The following TXNRD3 variants were observed in gnomAD, a reference collection of about 807,000 sequenced individuals.
TXNRD3 encodes the protein TXNRD3 neighbor gene protein.
TXNRD3 carries 68 observed loss-of-function variants against 78.2 expected under a neutral mutation model. The ratio of observed to expected loss-of-function variants is 0.87; its 90% confidence interval spans 0.72 to 1.06. The LOEUF is 1.06. TXNRD3 is among the 50% of genes least tolerant of loss of function. The pLI, the probability that TXNRD3 is intolerant of heterozygous loss-of-function variation, is 0.00. For missense variants in TXNRD3, 751 were observed against 809.5 expected (o/e 0.93, Z 0.88); for synonymous variants, 296 against 300.1 (o/e 0.99, Z 0.14).
intron 7 of TXNRD3, among the ~76,000 whole-genome samples, chr3:126,632,223 G>A (rs1424216988): frequency 6.6e-6 from 1 of 152,090 alleles, no homozygotes; most frequent in Non-Finnish European, 1.5e-5. Flanking sequence ...ATGAGCCCAG[G>A]AGGAGTTGGT....
chr3:126,623,852 C>CAAAAAAAA (rs4021853), intron 10 of TXNRD3, among the ~76,000 whole-genome samples: 32 of 112,040 alleles, frequency 2.9e-4, no homozygotes, highest in East Asian at 5.8e-4. Flanking sequence ...GAAACAAGGC[C>CAAAAAAAA]AAAAAAAAAA....
rs1391132459 is a variant in TXNRD3 at position 126,611,200 on chromosome 3, TAATTCTATA to T, written c.1633-77_1633-69del. 10 of 1,006,416 alleles carry T rather than the reference TAATTCTATA, an allele frequency of 9.9e-6. No individual in the cohort carries two copies. The African/African-American group carries it at 1.6e-4, about 17-fold the overall frequency. 62.3% of individuals were successfully genotyped at this position (1,006,416 alleles called of 1,614,324 possible). On this transcript the variant is annotated intron_variant, in intron 13 of 15. Transcript: ENST00000524230. The stretch of plus-strand genomic sequence containing the variant: ...GGAAACCATTCCTTGATAGGCTCTT[TAATTCTATA>T]AAGGCAATAATCTCCATAGCAGCTT...
At chr3:126,643,828 G>A (rs748865376) in intron 5 of TXNRD3, among the ~76,000 whole-genome samples, 153 bp downstream of exon 5, 6 of 152,092 alleles carry the variant, frequency 3.9e-5, no homozygotes, top group Non-Finnish European at 8.8e-5. Flanking sequence ...TTTCAGGCAT[G>A]AGCCTCTGGG....
rs747706576 is a variant in TXNRD3 at position 126,642,017 on chromosome 3, T to C, written c.712+15A>G. The C allele has an allele frequency of 4.0e-5, 61 of 1,524,336 alleles. No homozygotes were observed. The African/African-American group carries it at 5.4e-4, about 13-fold the overall frequency. The allele number at this position is 1,524,336 out of a possible 1,614,324, so 94.4% of individuals were successfully genotyped here. A position where few individuals can be genotyped will look rare whatever the true frequency, so the allele number is the denominator to read the frequency against. ...TTCTTTTCTCTCAATCTATACTTTA[T>C]GAACCATTACTCACCTTGTTGATTA... On this transcript the variant is annotated intron_variant, in intron 6 of 15. Coordinates refer to ENST00000524230, the MANE Select transcript of TXNRD3 (RefSeq NM_052883.3).
intron 1 of TXNRD3, among the ~76,000 whole-genome samples, chr3:126,647,921 A>G (rs918684527): frequency 6.6e-6 from 1 of 152,248 alleles, no homozygotes; most frequent in Non-Finnish European, 1.5e-5. Flanking sequence ...AAAATAAGTT[A>G]AATTATCTCT....
chr3:126,619,918 G>C (rs1319951747), intron 12 of TXNRD3, among the ~76,000 whole-genome samples: 1 of 152,190 alleles, frequency 6.6e-6, no homozygotes, highest in Non-Finnish European at 1.5e-5. Context: ...GGGGGACTGT[G>C]TCAGATTAAG....
At position 126,615,343 on chromosome 3, in the gene TXNRD3, A is replaced by G; in HGVS notation, c.1632+12T>C. On this transcript the variant is annotated intron_variant, in intron 13 of 15. Transcript: ENST00000524230. ...GAGAATTTTTTAAGGAAGTAATAAA[A>G]CACAATCTTACTTCTAGATTCTCTT... is the stretch of plus-strand genomic sequence containing the variant. The G allele has an allele frequency of 7.6e-7, 1 of 1,324,164 alleles. No homozygotes were observed. Among genetic ancestry groups the G allele is most frequent in the Non-Finnish European group, 1.0e-6 (1 of 993,320 alleles). 82.0% of individuals were successfully genotyped at this position (1,324,164 alleles called of 1,614,324 possible).
At position 126,615,418 on chromosome 3, in the gene TXNRD3, C is replaced by G. The variant is rs772176466; in HGVS notation, c.1569G>C (p.Glu523Asp). The G allele has an allele frequency of 1.8e-5, 28 of 1,521,244 alleles. No homozygotes were observed. The South Asian group carries it at 3.1e-4, about 17-fold the overall frequency. 94.2% of individuals were successfully genotyped at this position (1,521,244 alleles called of 1,614,324 possible). Residue 523 changes from glutamate (E) to aspartate (D), a missense_variant, in exon 13 of 16, where the codon GAG becomes GAC. Physicochemically the swap from Glu to Asp is conservative, Grantham distance 45. Coordinates refer to ENST00000524230, the MANE Select transcript of TXNRD3 (RefSeq NM_052883.3). Reference sequence around the variant, plus strand: ...CTTCAGATAATCCACAGCAACCATACTCCAGAGGAGTAAACACTGTAGTCG... The same window carrying G: ...CTTCAGATAATCCACAGCAACCATAGTCCAGAGGAGTAAACACTGTAGTCG...
rs150097097 is a variant in TXNRD3, at chr3:126,607,842, C to T, written c.*63G>A. On this transcript the variant is annotated 3_prime_UTR_variant, in exon 16 of 16. Transcript: ENST00000524230. ...GTCATGAGCACAGGCTCATTTTATC[C>T]GAGAGCATTCTTATCTTTGAGAGAA... 152 of 1,373,338 alleles carry T rather than the reference C, an allele frequency of 1.1e-4. No homozygotes were observed. The African/African-American group carries it at 1.4e-3, about 13-fold the overall frequency. The allele number at this position is 1,373,338 out of a possible 1,614,324, so 85.1% of individuals were successfully genotyped here. A position where few individuals can be genotyped will look rare whatever the true frequency, so the allele number is the denominator to read the frequency against.
intron 6 of TXNRD3, among the ~76,000 whole-genome samples, chr3:126,637,098 T>C (rs1307659060): frequency 6.6e-6 from 1 of 152,198 alleles, no homozygotes; most frequent in Non-Finnish European, 1.5e-5. Flanking sequence ...GTAACACTAA[T>C]GGTACCTTTT....
chr3:126,612,957 T>C (rs1350652191), intron 13 of TXNRD3, among the ~76,000 whole-genome samples: 2 of 152,358 alleles, frequency 1.3e-5, no homozygotes, highest in East Asian at 3.9e-4. Flanking sequence ...TCACATTCTG[T>C]TCTACTGATC....
chr3:126,608,786 A>C (rs570812277), intron 14 of TXNRD3, among the ~76,000 whole-genome samples, 153 bp from the exon 15 acceptor site: 3 of 152,346 alleles, frequency 2.0e-5, no homozygotes, highest in South Asian at 2.1e-4. Flanking sequence ...CCATGAAACT[A>C]AGCCACTGTA....
At chr3:126,621,707 T>A in intron 12 of TXNRD3, 35 bp downstream of exon 12, 2 of 1,439,834 alleles carry the variant, frequency 1.4e-6, no homozygotes, top group African/African-American at 1.4e-5. Flanking sequence ...ATGATCTTGA[T>A]CAGGACATTA....
chr3:126,615,609 G>C (rs1938300115), intron 12 of TXNRD3, 147 bp from the exon 13 acceptor site: 1 of 422,590 alleles, frequency 2.4e-6, no homozygotes, highest in African/African-American at 2.1e-5. Flanking sequence ...AAACTCTAAG[G>C]TACCTTAACA....
chr3:126,622,062 G>T (rs1241512397), intron 11 of TXNRD3, among the ~76,000 whole-genome samples, 164 bp from the exon 12 acceptor site: 2 of 152,156 alleles, frequency 1.3e-5, no homozygotes, highest in Non-Finnish European at 2.9e-5. Flanking sequence ...AGTAACAAGG[G>T]TTTCTGTAGC....
chr3:126,610,038 T>A (rs1938160646), intron 14 of TXNRD3, among the ~76,000 whole-genome samples: 1 of 152,160 alleles, frequency 6.6e-6, no homozygotes, highest in African/African-American at 2.4e-5. Context: ...CCTGGAGCAT[T>A]TCAGGGCCAT....
In TXNRD3 at chr3:126,629,455, T is replaced by A; in HGVS notation, c.1214A>T (p.Lys405Ile). The change falls in exon 10 of 16, where the codon AAA (lysine) becomes ATA (isoleucine). Residue 405 changes from lysine (K) to isoleucine (I), a missense_variant. Transcript: ENST00000524230. ...CACTTTCAGCTTTCCAGGTGAACCTTTCTCCAACTGTTGAACCTAGTAAGA... is the reference window on the plus strand; with the variant it reads ...CACTTTCAGCTTTCCAGGTGAACCTATCTCCAACTGTTGAACCTAGTAAGA... The A allele has an allele frequency of 6.5e-7, 1 of 1,535,408 alleles. No homozygotes were observed. Among genetic ancestry groups the A allele is most frequent in the Non-Finnish European group, 8.7e-7 (1 of 1,146,396 alleles).
intron 8 of TXNRD3, 98 bp from the exon 9 acceptor site, chr3:126,631,035 A>G: frequency 8.4e-7 from 1 of 1,193,022 alleles, no homozygotes. Flanking sequence ...ACTGAATTAT[A>G]ATTTAGTGCT....
At chr3:126,625,121 G>C (rs1164346995) in intron 10 of TXNRD3, 2 of 154,124 alleles carry the variant, frequency 1.3e-5, no homozygotes, top group African/African-American at 4.9e-5. Flanking sequence ...CTTTTCCAAA[G>C]ACCACTTTGG....
Sources: allele counts gnomAD v4.1 joint callset (sites outside exome capture counted in the v4.1 genomes callset), GRCh38; gene constraint gnomAD v4.1.1; transcripts MANE v1.5; gene names NCBI Gene and HGNC (gene_info 2026-07-23, HGNC 2026-07-21).